NRIP1: variants seen among roughly 807,000 people sequenced by gnomAD.
The protein encoded by NRIP1 is nuclear receptor-interacting protein 1.
A neutral mutation model predicts 75.0 loss-of-function variants in NRIP1; 28 were observed. The ratio of observed to expected loss-of-function variants is 0.37; its 90% CI spans 0.28 to 0.51. NRIP1 has a LOEUF of 0.51. Among genes scored for constraint, NRIP1 ranks in the 20% least tolerant of loss-of-function variants. The pLI is 0.92. For missense variants in NRIP1, 1,435 were observed against 1,343.7 expected (o/e 1.07, Z -1.06); for synonymous variants, 526 against 487.6 (o/e 1.08, Z -1.04).
Position 15,064,382 on chromosome 21 carries a change from G to A in NRIP1, c.-538+363C>T, listed in dbSNP as rs569324978. 2.5e-3 allele frequency among the ~76,000 whole-genome samples: 380 copies of A among 152,304 alleles called. 2 individuals carry two copies. The highest frequency in any genetic ancestry group is 8.7e-3 in the African/African-American group (361 of 41,570). On this transcript the variant is annotated intron_variant, in intron 1 of 3. Transcript: ENST00000318948. ...GACGGAGAGCGGCGAGGCGAGCGGT[G>A]CCCGGGGTTCGGGACCGAGAGGGCA...
At chr21:15,039,454 T>A (rs2088906010) in intron 2 of NRIP1, among the ~76,000 whole-genome samples, 1 of 152,148 alleles carries the variant, frequency 6.6e-6, no homozygotes, top group Non-Finnish European at 1.5e-5. Context: ...CAAGAAGCTT[T>A]AAAACCCAAT....
rs546738836 is a variant in NRIP1, at chr21:15,018,442, G to A, written c.-457-3976C>T. 2.8e-4 allele frequency among the ~76,000 whole-genome samples: 43 copies of A among 152,236 alleles called. No homozygotes were observed. The East Asian group carries it at 8.1e-3, about 29-fold the overall frequency. ...GAGAGGAAGCTATTTTACATAAAGT[G>A]ATAAGGAAAAGCAAAAGCTTCTCTG... On this transcript the variant is annotated intron_variant, in intron 2 of 3. Transcript: ENST00000318948.
At chr21:15,065,034 C>G (rs1407950912), upstream of NRIP1, 4 of 154,416 alleles carry the variant, frequency 2.6e-5, no homozygotes, top group East Asian at 7.7e-4. Context: ...GCTCACCGCC[C>G]GCCCGCAGCC....
At chr21:15,004,894 C>T (rs1355729484) in intron 3 of NRIP1, among the ~76,000 whole-genome samples, 3 of 152,116 alleles carry the variant, frequency 2.0e-5, no homozygotes, top group African/African-American at 7.2e-5. Context: ...TACTCACCCA[C>T]CTCCAACACA....
rs544430817 is a variant in NRIP1, at chr21:14,998,669, A to C, written c.-335+15675T>G. Among the ~76,000 whole-genome samples, 3 of 152,358 alleles carry C rather than the reference A, an allele frequency of 2.0e-5. No individual in the cohort carries two copies. In the East Asian group the frequency reaches 5.8e-4, roughly 29 times the overall value. On this transcript the variant is annotated intron_variant, in intron 3 of 3. Coordinates refer to ENST00000318948, the MANE Select transcript of NRIP1 (RefSeq NM_003489.4). Reference sequence around the variant, plus strand: ...CAACTCCTTAGCCTACTTAATGTGAAGATGATGAGGATAAAACCTTTATTA... The same window carrying C: ...CAACTCCTTAGCCTACTTAATGTGACGATGATGAGGATAAAACCTTTATTA...
At chr21:14,985,677 A>G (rs1346481610) in intron 3 of NRIP1, among the ~76,000 whole-genome samples, 6 of 152,142 alleles carry the variant, frequency 3.9e-5, no homozygotes, top group Non-Finnish European at 5.9e-5. Context: ...TGATCATACT[A>G]ATTTGGTTTC....
chr21:15,027,899 C>T (rs896805935), intron 2 of NRIP1, among the ~76,000 whole-genome samples: 5 of 152,030 alleles, frequency 3.3e-5, no homozygotes, highest in Non-Finnish European at 5.9e-5. Context: ...AGTTTACTTG[C>T]ACAATAAATA....
At chr21:15,004,907 A>G (rs2087929099) in intron 3 of NRIP1, among the ~76,000 whole-genome samples, 1 of 152,234 alleles carries the variant, frequency 6.6e-6, no homozygotes, top group Non-Finnish European at 1.5e-5. Flanking sequence ...CCAACACATT[A>G]TAAATAAATC....
intron 1 of NRIP1, chr21:15,051,000 C>A (rs1262421176): frequency 4.7e-6 from 2 of 426,174 alleles, no homozygotes; most frequent in Non-Finnish European, 4.7e-6. Context: ...GTAGCATTTA[C>A]CTACAGCTAA....
intron 2 of NRIP1, among the ~76,000 whole-genome samples, chr21:15,017,724 A>G (rs1410337089): frequency 2.0e-5 from 3 of 152,214 alleles, no homozygotes; most frequent in Non-Finnish European, 4.4e-5. Flanking sequence ...ACTACTGTTC[A>G]TCTACAATGG....
chr21:15,006,398 T>C (rs1261071814), intron 3 of NRIP1, among the ~76,000 whole-genome samples: 2 of 152,202 alleles, frequency 1.3e-5, no homozygotes, highest in Admixed American at 1.3e-4. Context: ...AAATCATTAC[T>C]CTAGAACAAC....
chr21:15,064,657 G>A (rs1318299450), intron 1 of NRIP1, 88 bp downstream of exon 1: 1 of 150,908 alleles, frequency 6.6e-6, no homozygotes, highest in African/African-American at 2.4e-5. Flanking sequence ...CCAGCCAAGC[G>A]AGAGCCGACG....
intron 2 of NRIP1, among the ~76,000 whole-genome samples, chr21:15,038,774 A>T (rs532378519): frequency 1.3e-5 from 2 of 152,038 alleles, no homozygotes. Flanking sequence ...ATAAAGGCAA[A>T]TTTTCAGAAA....
At chr21:15,041,822 C>A (rs908195631) in intron 2 of NRIP1, among the ~76,000 whole-genome samples, 1 of 151,990 alleles carries the variant, frequency 6.6e-6, no homozygotes, top group Admixed American at 6.6e-5. Context: ...ACTCTGAATT[C>A]CATAAAATCC....
chr21:15,044,379 A>G (rs545974642), intron 1 of NRIP1, among the ~76,000 whole-genome samples: 3 of 151,294 alleles, frequency 2.0e-5, no homozygotes, highest in South Asian at 4.2e-4. Context: ...TTCAGGAACA[A>G]AAGAGTGGAT....
chr21:15,063,500 T>C (rs1978516156), intron 1 of NRIP1, among the ~76,000 whole-genome samples: 1 of 152,224 alleles, frequency 6.6e-6, no homozygotes, highest in Admixed American at 6.5e-5. Flanking sequence ...ATAAGCAGGT[T>C]CAATGCAATT....
At chr21:15,017,822 G>A (rs770661689) in intron 2 of NRIP1, among the ~76,000 whole-genome samples, 10 of 152,086 alleles carry the variant, frequency 6.6e-5, no homozygotes, top group Non-Finnish European at 1.2e-4. Context: ...AAAGTATTCC[G>A]AGCCCACAAT....
At chr21:15,029,720 G>A (rs991645267) in intron 2 of NRIP1, among the ~76,000 whole-genome samples, 6 of 152,134 alleles carry the variant, frequency 3.9e-5, no homozygotes, top group Non-Finnish European at 8.8e-5. Context: ...GAGAGGCTGA[G>A]GCAGGAGATT....
At chr21:15,045,106 C>T (rs1192165794) in intron 1 of NRIP1, among the ~76,000 whole-genome samples, 1 of 152,170 alleles carries the variant, frequency 6.6e-6, no homozygotes, top group African/African-American at 2.4e-5. Flanking sequence ...ATCAGTAAGA[C>T]TCCTCCAGTA....
Sources: gnomAD v4.1 joint callset for allele counts (sites outside exome capture counted in the v4.1 genomes callset) on GRCh38, gnomAD v4.1.1 for gene constraint, MANE v1.5 for transcripts, NCBI Gene and HGNC (gene_info 2026-07-23, HGNC 2026-07-21) for gene names.